ZNF782: variants seen among roughly 807,000 people sequenced by gnomAD.
The protein encoded by ZNF782 is zinc finger protein 782.
ZNF782 carries 12 observed loss-of-function variants against 13.0 expected under a neutral mutation model. That is an observed-to-expected ratio of 0.92 (90% CI 0.59 to 1.50). ZNF782 has a LOEUF of 1.50. Among genes scored for constraint, ZNF782 ranks in the 40% most tolerant of loss-of-function variants. The probability of loss-of-function intolerance (pLI) is 0.00; values close to 1 mark genes in which losing one functional copy is unlikely to be tolerated. For synonymous variants in ZNF782, 284 were observed against 283.0 expected, an observed-to-expected ratio of 1.00 and a Z score of -0.04; for missense variants, 770 against 822.9, an observed-to-expected ratio of 0.94 and a Z score of 0.79.
the ZNF782 span, chr9:96,889,807 T>C: frequency 6.6e-6 from 1 of 152,226 alleles, no homozygotes. Flanking sequence ...TATGTTTAAA[T>C]AAAATTTAAC....
chr9:96,902,582 C>T, the ZNF782 span, among the ~76,000 whole-genome samples: 3 of 133,612 alleles, frequency 2.2e-5, no homozygotes, highest in Admixed American at 7.3e-5. Context: ...AGAAAAAATT[C>T]TTTGCAAAAT....
chr9:96,924,797 G>A, the ZNF782 span, among the ~76,000 whole-genome samples: 2 of 152,242 alleles, frequency 1.3e-5, no homozygotes, highest in African/African-American at 4.8e-5. Flanking sequence ...CAGCACGGCC[G>A]AGACAAACTT....
the ZNF782 span, among the ~76,000 whole-genome samples, chr9:96,925,562 G>A: frequency 6.6e-6 from 1 of 150,420 alleles, no homozygotes; most frequent in Non-Finnish European, 1.5e-5. Flanking sequence ...TTGAACCCAG[G>A]AGGCGGAGGC....
the ZNF782 span, among the ~76,000 whole-genome samples, chr9:96,920,979 A>G: frequency 4.8e-5 from 7 of 144,744 alleles, no homozygotes; most frequent in East Asian, 1.3e-3. Flanking sequence ...CGACCTCATC[A>G]TTTCTGCAAA....
chr9:96,912,199 A>G, the ZNF782 span, among the ~76,000 whole-genome samples: 1,254 of 100,442 alleles, frequency 0.012, 31 homozygotes, highest in East Asian at 0.23. Flanking sequence ...CTCCGTCTCG[A>G]AAAAAAAAAA....
intron 4 of ZNF782, among the ~76,000 whole-genome samples, chr9:96,834,874 T>C (rs906130267): frequency 6.6e-6 from 1 of 152,158 alleles, no homozygotes; most frequent in African/African-American, 2.4e-5. Context: ...AGGCCAGTAT[T>C]GCCATGAATG....
intron 4 of ZNF782, among the ~76,000 whole-genome samples, 189 bp downstream of exon 4, chr9:96,844,701 T>A (rs984002905): frequency 6.6e-6 from 1 of 152,190 alleles, no homozygotes; most frequent in African/African-American, 2.4e-5. Flanking sequence ...TCAAAACTCA[T>A]TGATTTGTAC....
At chr9:96,930,872 GTTTTTTTTTTTTTTTTTTTTT>G in the ZNF782 span, among the ~76,000 whole-genome samples, 1,658 of 72,598 alleles carry the variant, frequency 0.023, 67 homozygotes, top group African/African-American at 0.085. Flanking sequence ...CCATCCAGTG[GTTTTTTTTTTTTTTTTTTTTT>G]TTTTTTTTTT....
chr9:96,832,392 G>C (rs1564001725), intron 4 of ZNF782, among the ~76,000 whole-genome samples: 1 of 152,136 alleles, frequency 6.6e-6, no homozygotes, highest in East Asian at 1.9e-4. Flanking sequence ...ACTCAAGAGG[G>C]AAGGCAGGCA....
At chr9:96,893,188 T>C in the ZNF782 span, 9 of 152,170 alleles carry the variant, frequency 5.9e-5, no homozygotes, top group African/African-American at 1.9e-4. Context: ...GTTTTGAAAA[T>C]AGCTTAAACA....
At chr9:96,915,393 C>A in the ZNF782 span, among the ~76,000 whole-genome samples, 1 of 150,926 alleles carries the variant, frequency 6.6e-6, no homozygotes, top group African/African-American at 2.5e-5. Context: ...CAAAAAGTCT[C>A]CTAGGCCGGG....
intron 5 of ZNF782, among the ~76,000 whole-genome samples, chr9:96,822,248 C>T (rs920920843): frequency 6.6e-6 from 1 of 151,984 alleles, no homozygotes; most frequent in African/African-American, 2.4e-5. Context: ...ACACCTCTCC[C>T]GAGTGGCTTT....
intron 1 of ZNF782, among the ~76,000 whole-genome samples, chr9:96,870,965 T>G (rs1851818488): frequency 6.6e-6 from 1 of 152,226 alleles, no homozygotes; most frequent in African/African-American, 2.4e-5. Flanking sequence ...ATGTTTGGGG[T>G]CATAAAAAGA....
chr9:96,818,709 T>A lies in ZNF782; in HGVS notation c.1314A>T (p.Arg438Ser), dbSNP rs1850280698. 1.2e-5 allele frequency: 20 copies of A among 1,613,618 alleles called. No homozygotes were observed. The South Asian group carries it at 2.2e-4, about 18-fold the overall frequency. ...DKAFSAKSGL[R>S]IHQRTHTGEK... is the part of the protein sequence containing the mutation. Reference sequence around the variant, plus strand: ...CCCCTGTGTGGGTTCTCTGGTGTATTCTTAGGCCTGACTTTGCACTGAAAG... The same window carrying A: ...CCCCTGTGTGGGTTCTCTGGTGTATACTTAGGCCTGACTTTGCACTGAAAG... Residue 438 changes from arginine to serine, a missense_variant, in exon 6 of 6, where the codon AGA becomes AGT. Physicochemically the swap from Arg to Ser is moderately radical, Grantham distance 110. Coordinates refer to ENST00000481138, the MANE Select transcript of ZNF782 (RefSeq NM_001001662.3).
At chr9:96,866,756 G>C (rs982962222) in intron 1 of ZNF782, among the ~76,000 whole-genome samples, 6 of 152,252 alleles carry the variant, frequency 3.9e-5, no homozygotes, top group Admixed American at 6.5e-5. Flanking sequence ...CACAAGGGCA[G>C]AGCTGCCCAA....
At chr9:96,836,335 C>G (rs879343882) in intron 4 of ZNF782, among the ~76,000 whole-genome samples, 1 of 151,970 alleles carries the variant, frequency 6.6e-6, no homozygotes, top group African/African-American at 2.4e-5. Context: ...GCCTCAGCCT[C>G]CCGCGTAGCT....
At chr9:96,929,680 G>A in the ZNF782 span, among the ~76,000 whole-genome samples, 1 of 150,850 alleles carries the variant, frequency 6.6e-6, no homozygotes, top group Non-Finnish European at 1.5e-5. Flanking sequence ...GGGGCAGAAT[G>A]GGGAAGTTCA....
chr9:96,855,975 T>G (rs564159605), upstream of ZNF782, among the ~76,000 whole-genome samples: 1 of 152,340 alleles, frequency 6.6e-6, no homozygotes, highest in Non-Finnish European at 1.5e-5. Flanking sequence ...GGTTTTGATT[T>G]GGATTTCTCT....
At position 96,818,992 on chromosome 9, in the gene ZNF782, G is replaced by A. The variant is rs1850299497; in HGVS notation, c.1031C>T (p.Thr344Ile). Residue 344 changes from threonine to isoleucine, a missense_variant, in exon 6 of 6, where the codon ACA becomes ATA. Coordinates refer to ENST00000481138, the MANE Select transcript of ZNF782 (RefSeq NM_001001662.3). ...AGTTGACTGGTAGCTGAATGTCTCT[G>A]TACATGGGTGATAATCAGAGTATTT... is the stretch of plus-strand genomic sequence containing the variant. ...TDKYSDYHPC[T>I]ETFSYQSTFS... 1.2e-6 allele frequency: 2 copies of A among 1,614,030 alleles called. No individual in the cohort carries two copies. The highest frequency in any genetic ancestry group is 2.7e-5 in the African/African-American group (2 of 74,940).
Sources: gnomAD v4.1 joint callset for allele counts (sites outside exome capture counted in the v4.1 genomes callset) on GRCh38, gnomAD v4.1.1 for gene constraint, MANE v1.5 for transcripts, NCBI Gene and HGNC (gene_info 2026-07-23, HGNC 2026-07-21) for gene names.